Variants in NRDE2 observed in about 807,000 individuals in gnomAD.
NRDE2 encodes NRDE-2, necessary for RNA interference, domain containing, also known as nuclear exosome regulator NRDE2.
NRDE2 carries 76 observed loss-of-function variants against 124.2 expected under a neutral mutation model. The ratio of observed to expected loss-of-function variants is 0.61; its 90% confidence interval spans 0.51 to 0.74. NRDE2 has a LOEUF of 0.74. Ranked by LOEUF, NRDE2 falls within the 30% of genes least tolerant of loss-of-function variation. The pLI, the probability that NRDE2 is intolerant of heterozygous loss-of-function variation, is 0.00. For synonymous variants in NRDE2, 489 were observed against 528.1 expected (o/e 0.93, Z 1.01); for missense variants, 1,314 against 1,417.3 (o/e 0.93, Z 1.17).
At position 90,278,092 on chromosome 14, in the gene NRDE2, T is replaced by G. The variant is rs989093393; in HGVS notation, c.*244A>C. ...TCATCGGTTTAATGACCACGTGGCA[T>G]GACTCTCTGGCTATGTACATATATA... On this transcript the variant is annotated 3_prime_UTR_variant, in exon 14 of 14. Transcript: ENST00000354366. The G allele has an allele frequency of 1.0e-5, 4 of 392,344 alleles. No individual in the cohort carries two copies. Among genetic ancestry groups the G allele is most frequent in the Non-Finnish European group, 1.9e-5 (4 of 209,628 alleles). 24.3% of individuals were successfully genotyped at this position (392,344 alleles called of 1,614,324 possible). A position where few individuals can be genotyped will look rare whatever the true frequency, so the allele number is the denominator to read the frequency against.
In NRDE2 at chr14:90,316,479, G is replaced by GTGAC. The variant is rs1885050788; in HGVS notation, c.407+95_407+98dup. 3 of 823,122 alleles carry GTGAC rather than the reference G, an allele frequency of 3.6e-6. No homozygotes were observed. In the South Asian group the frequency reaches 4.9e-5, roughly 14 times the overall value. 51.0% of individuals were successfully genotyped at this position (823,122 alleles called of 1,614,324 possible). A position where few individuals can be genotyped will look rare whatever the true frequency, so the allele number is the denominator to read the frequency against. ...AATGGTAGAGCTCTCTTCCGACTGA[G>GTGAC]TGACTAAATGGTTATTCAAATATCT... On this transcript the variant is annotated intron_variant, in intron 3 of 13. Coordinates refer to ENST00000354366, the MANE Select transcript of NRDE2 (RefSeq NM_017970.4).
intron 12 of NRDE2, 69 bp from the exon 13 acceptor site, chr14:90,279,202 C>G (rs1334740182): frequency 8.2e-7 from 1 of 1,223,610 alleles, no homozygotes; most frequent in South Asian, 1.2e-5. Flanking sequence ...CACAAACGCC[C>G]CTGGATGACG....
chr14:90,308,848 G>C (rs141312295), intron 4 of NRDE2, among the ~76,000 whole-genome samples: 1 of 152,142 alleles, frequency 6.6e-6, no homozygotes, highest in Admixed American at 6.6e-5. Context: ...CAAAGCCAGG[G>C]AACAAAAATG....
At chr14:90,292,229 G>A (rs2139678260) in intron 9 of NRDE2, among the ~76,000 whole-genome samples, 1 of 152,312 alleles carries the variant, frequency 6.6e-6, no homozygotes, top group Non-Finnish European at 1.5e-5. Context: ...GGACCCTACG[G>A]CCAGTCCCTC....
In NRDE2 at chr14:90,272,987, AGAGATATCTTGAAAGCCCTTCT is replaced by A. The variant is rs1361188839; in HGVS notation, c.*5327_*5348del. ...TGTTCCCAAGAGACTGAGGATTCCTAGAGATATCTTGAAAGCCCTTCTGAGCCCTTGGGCTCAGAAATCTCAT... is the reference window on the plus strand; with the variant it reads ...TGTTCCCAAGAGACTGAGGATTCCTAGAGCCCTTGGGCTCAGAAATCTCAT... On this transcript the variant is annotated 3_prime_UTR_variant, in exon 14 of 14. Transcript: ENST00000354366. This position sits in a 1 kb window ranked among gnomAD's most constrained non-coding sequence, Gnocchi z 4.5. 1 of 152,210 alleles carries A rather than the reference AGAGATATCTTGAAAGCCCTTCT, an allele frequency of 6.6e-6. No individual in the cohort carries two copies. The highest frequency in any genetic ancestry group is 1.5e-5 in the Non-Finnish European group (1 of 68,058). 9.4% of individuals were successfully genotyped at this position (152,210 alleles called of 1,614,324 possible). A position where few individuals can be genotyped will look rare whatever the true frequency, so the allele number is the denominator to read the frequency against.
rs866022394 is a variant in NRDE2 at position 90,302,745 on chromosome 14, C to A, written c.1386G>T (p.Leu462Phe). Residue 462 changes from leucine to phenylalanine, a missense_variant, in exon 6 of 14, where the codon TTG becomes TTT. By Grantham distance (22) the Leu-to-Phe change is conservative. Transcript: ENST00000354366. ...KDGSILSHPALPGTEEAMFAL... is the reference protein window; with the variant it reads ...KDGSILSHPAFPGTEEAMFAL... ...CAAACATGGCCTCTTCCGTGCCAGGCAACGCAGGGTGAGATAAGATGCTGC... is the reference window on the plus strand; with the variant it reads ...CAAACATGGCCTCTTCCGTGCCAGGAAACGCAGGGTGAGATAAGATGCTGC... 6.2e-7 allele frequency: 1 copy of A among 1,611,402 alleles called. No individual in the cohort carries two copies. Among genetic ancestry groups the A allele is most frequent in the Admixed American group, 1.7e-5 (1 of 59,748 alleles).
At chr14:90,312,911 A>C (rs1372823885) in intron 3 of NRDE2, among the ~76,000 whole-genome samples, 1 of 152,200 alleles carries the variant, frequency 6.6e-6, no homozygotes, top group Non-Finnish European at 1.5e-5. Flanking sequence ...CCTAAAAAGT[A>C]TTCCTGCTCT....
chr14:90,325,302 A>G (rs1885383500), intron 1 of NRDE2, among the ~76,000 whole-genome samples: 1 of 152,134 alleles, frequency 6.6e-6, no homozygotes, highest in Non-Finnish European at 1.5e-5. Context: ...AATCTGTCAA[A>G]TATTTGATTC....
chr14:90,300,574 TCTTCA>T (rs1644683401), intron 7 of NRDE2, among the ~76,000 whole-genome samples: 1 of 151,766 alleles, frequency 6.6e-6, no homozygotes. Flanking sequence ...ATTCTTTATT[TCTTCA>T]CTTATCTTCA....
At chr14:90,302,438 G>A (rs974114325) in intron 6 of NRDE2, among the ~76,000 whole-genome samples, 2 of 152,106 alleles carry the variant, frequency 1.3e-5, no homozygotes, top group Non-Finnish European at 2.9e-5. Context: ...TAAGGCCACC[G>A]ACTGCCAAAG....
At position 90,273,137 on chromosome 14, in the gene NRDE2, T is replaced by C. The variant is rs1566677012; in HGVS notation, c.*5199A>G. 1 of 152,224 alleles carries C rather than the reference T, an allele frequency of 6.6e-6. No individual in the cohort carries two copies. The highest frequency in any genetic ancestry group is 1.5e-5 in the Non-Finnish European group (1 of 68,072). 9.4% of individuals were successfully genotyped at this position (152,224 alleles called of 1,614,324 possible). ...ACAAATCAGGCCTAAAGCTATTAAG[T>C]GGGACAGATCAAGGTAAGCGTTCCC... On this transcript the variant is annotated 3_prime_UTR_variant, in exon 14 of 14. Coordinates refer to ENST00000354366, the MANE Select transcript of NRDE2 (RefSeq NM_017970.4).
chr14:90,276,938 C>A lies in NRDE2; in HGVS notation c.*1398G>T, dbSNP rs1217730342. On this transcript the variant is annotated 3_prime_UTR_variant, in exon 14 of 14. Transcript: ENST00000354366. ...CGCAGAGGACAAGGGTGGAGAAGGT[C>A]CCTCTTTGTGGGCAGCCAGGAACTC... 6.6e-6 allele frequency: 1 copy of A among 152,246 alleles called. No individual in the cohort carries two copies. The highest frequency in any genetic ancestry group is 1.5e-5 in the Non-Finnish European group (1 of 68,098). The allele number at this position is 152,246 out of a possible 1,614,324, so 9.4% of individuals were successfully genotyped here. A position where few individuals can be genotyped will look rare whatever the true frequency, so the allele number is the denominator to read the frequency against.
In NRDE2 at chr14:90,275,692, A is replaced by G. The variant is rs1286314224; in HGVS notation, c.*2644T>C. 1 of 152,182 alleles carries G rather than the reference A, an allele frequency of 6.6e-6. No individual in the cohort carries two copies. The highest frequency in any genetic ancestry group is 2.4e-5 in the African/African-American group (1 of 41,442). 9.4% of individuals were successfully genotyped at this position (152,182 alleles called of 1,614,324 possible). A position where few individuals can be genotyped will look rare whatever the true frequency, so the allele number is the denominator to read the frequency against. On this transcript the variant is annotated 3_prime_UTR_variant, in exon 14 of 14. Coordinates refer to ENST00000354366, the MANE Select transcript of NRDE2 (RefSeq NM_017970.4). ...GATGCAGGTATGAAGTGCTTGTGAAATAACAGAATTCCCACAGTAATTTCT... is the reference window on the plus strand; with the variant it reads ...GATGCAGGTATGAAGTGCTTGTGAAGTAACAGAATTCCCACAGTAATTTCT...
chr14:90,319,586 G>A (rs1885170502), intron 1 of NRDE2, among the ~76,000 whole-genome samples: 1 of 151,986 alleles, frequency 6.6e-6, no homozygotes, highest in Admixed American at 6.6e-5. Context: ...ATATAAATAA[G>A]CTCATATAAT....
intron 4 of NRDE2, among the ~76,000 whole-genome samples, chr14:90,312,186 G>C (rs1408909113): frequency 6.6e-6 from 1 of 152,100 alleles, no homozygotes; most frequent in Non-Finnish European, 1.5e-5. Context: ...AAAGCACCAG[G>C]GATAAATAAG....
intron 8 of NRDE2, among the ~76,000 whole-genome samples, chr14:90,293,336 C>T (rs1201039345): frequency 6.6e-6 from 1 of 152,048 alleles, no homozygotes; most frequent in Non-Finnish European, 1.5e-5. Flanking sequence ...CTGCAATCTC[C>T]GCCTCCCAGG....
chr14:90,324,673 C>CAAA (rs35515329), intron 1 of NRDE2, among the ~76,000 whole-genome samples: 30 of 65,978 alleles, frequency 4.5e-4, no homozygotes, highest in African/African-American at 1.7e-3. Flanking sequence ...GCTCCGTCTC[C>CAAA]AAAAAAAAAA....
At position 90,271,010 on chromosome 14, in the gene NRDE2, T is replaced by C. The variant is rs946971745; in HGVS notation, c.*7326A>G. 2 of 152,000 alleles carry C rather than the reference T, an allele frequency of 1.3e-5. No homozygotes were observed. The highest frequency in any genetic ancestry group is 4.8e-5 in the African/African-American group (2 of 41,316). 9.4% of individuals were successfully genotyped at this position (152,000 alleles called of 1,614,324 possible). On this transcript the variant is annotated 3_prime_UTR_variant, in exon 14 of 14. Coordinates refer to ENST00000354366, the MANE Select transcript of NRDE2 (RefSeq NM_017970.4). ...TTAGTCCTAGAGAACTAGATGTCTC[T>C]GTTGGCAAGTAAAATCTATCTTCTT...
chr14:90,308,170 A>T (rs1223202584), intron 4 of NRDE2, among the ~76,000 whole-genome samples: 2 of 152,248 alleles, frequency 1.3e-5, no homozygotes, highest in Non-Finnish European at 2.9e-5. Context: ...TCTGGTGTAT[A>T]GCCAAAGAAA....
Sources: allele counts gnomAD v4.1 joint callset (sites outside exome capture counted in the v4.1 genomes callset), GRCh38; gene constraint gnomAD v4.1.1; non-coding constraint Gnocchi (gnomAD v3.1); transcripts MANE v1.5; gene names NCBI Gene and HGNC (gene_info 2026-07-23, HGNC 2026-07-21).